DDX10: variants seen among roughly 807,000 people sequenced by gnomAD.
The protein encoded by DDX10 is DEAD-box helicase 10.
In DDX10, 74 loss-of-function variants were observed where a neutral mutation model predicts 104.3. The observed-to-expected ratio is 0.71, with a 90% CI of 0.59 to 0.86. The LOEUF (loss-of-function observed/expected upper bound fraction) is 0.86. DDX10 is among the 40% of genes least tolerant of loss of function. The pLI is 0.00. For missense variants in DDX10, 952 were observed against 1,040.0 expected, an observed-to-expected ratio of 0.92 and a Z score of 1.16; for synonymous variants, 351 against 353.4, an observed-to-expected ratio of 0.99 and a Z score of 0.08.
intron 13 of DDX10, among the ~76,000 whole-genome samples, chr11:108,755,336 G>A (rs527935754): frequency 6.6e-6 from 1 of 152,128 alleles, no homozygotes; most frequent in South Asian, 2.1e-4. Context: ...ACTTATGAGA[G>A]TCATGAATTT....
chr11:108,819,890 G>A (rs1347927335), intron 13 of DDX10, among the ~76,000 whole-genome samples: 1 of 152,098 alleles, frequency 6.6e-6, no homozygotes, highest in Non-Finnish European at 1.5e-5. Context: ...ATGAGCCACC[G>A]CGCCCAGCCC....
intron 13 of DDX10, chr11:108,822,695 G>A (rs1862342511): frequency 6.5e-6 from 1 of 153,458 alleles, no homozygotes; most frequent in Non-Finnish European, 1.5e-5. Flanking sequence ...TTCCCTCTCT[G>A]AAGCTGGATG....
chr11:108,846,157 T>G (rs1418642950), intron 15 of DDX10, among the ~76,000 whole-genome samples: 3 of 152,176 alleles, frequency 2.0e-5, no homozygotes, highest in African/African-American at 7.2e-5. Flanking sequence ...ATAATAATTG[T>G]ATGTATGGGG....
intron 13 of DDX10, among the ~76,000 whole-genome samples, chr11:108,766,366 C>T (rs34942750): frequency 0.16 from 24,245 of 152,116 alleles, 1,961 homozygotes; most frequent in East Asian, 0.25. Context: ...TAAGGTAGCG[C>T]AGGATTTTTA....
At chr11:108,726,960 G>A (rs1472740126) in intron 13 of DDX10, among the ~76,000 whole-genome samples, 1 of 152,042 alleles carries the variant, frequency 6.6e-6, no homozygotes, top group Non-Finnish European at 1.5e-5. Context: ...GTGGTTTTTA[G>A]CCTGTTGATT....
chr11:108,727,233 G>A (rs1239018320), intron 13 of DDX10, among the ~76,000 whole-genome samples: 6 of 151,966 alleles, frequency 3.9e-5, no homozygotes, highest in Admixed American at 2.0e-4. Flanking sequence ...CCCTACTAGC[G>A]TCTGTATTGT....
intron 13 of DDX10, 65 bp downstream of exon 13, chr11:108,723,527 T>C (rs2134477043): frequency 6.8e-7 from 1 of 1,476,702 alleles, no homozygotes. Context: ...TTGTTGCCTT[T>C]TGGGGACTGA....
intron 10 of DDX10, among the ~76,000 whole-genome samples, chr11:108,710,885 G>C (rs1473767042): frequency 6.6e-6 from 1 of 152,128 alleles, no homozygotes; most frequent in Non-Finnish European, 1.5e-5. Flanking sequence ...AGTCTCCTAG[G>C]CCTAAGTGAT....
chr11:108,923,714 G>T (rs1863870858), intron 17 of DDX10, among the ~76,000 whole-genome samples: 1 of 152,154 alleles, frequency 6.6e-6, no homozygotes, highest in Non-Finnish European at 1.5e-5. Flanking sequence ...TGTGCACTTG[G>T]GGAGGCGATG....
chr11:108,671,284 C>A (rs1323563003), intron 1 of DDX10, among the ~76,000 whole-genome samples: 1 of 152,222 alleles, frequency 6.6e-6, no homozygotes, highest in Non-Finnish European at 1.5e-5. Flanking sequence ...CTGCCTCAGC[C>A]TCCCAAGTAG....
At chr11:108,875,448 CATT>C (rs1245172630) in intron 16 of DDX10, among the ~76,000 whole-genome samples, 1 of 151,890 alleles carries the variant, frequency 6.6e-6, no homozygotes, top group African/African-American at 2.4e-5. Flanking sequence ...TTTTTTCTGT[CATT>C]ATAGAAGAAC....
At position 108,828,829 on chromosome 11, in the gene DDX10, G is replaced by A. The variant is rs184908952; in HGVS notation, c.1966-9617G>A. 5.3e-5 allele frequency among the ~76,000 whole-genome samples: 8 copies of A among 152,222 alleles called. No homozygotes were observed. The East Asian group carries it at 1.5e-3, about 29-fold the overall frequency. ...AGTAGAGACGAGGTTTCACCTTGTT[G>A]GTCAGGCTGGTCTTGAACTCCCGAC... is the stretch of plus-strand genomic sequence containing the variant. On this transcript the variant is annotated intron_variant, in intron 13 of 17. Transcript: ENST00000322536.
intron 10 of DDX10, among the ~76,000 whole-genome samples, chr11:108,714,113 A>G (rs1591798683): frequency 1.3e-5 from 2 of 152,356 alleles, no homozygotes; most frequent in Middle Eastern, 3.4e-3. Context: ...TGCTGAAAGC[A>G]TGAGGGAATT....
intron 16 of DDX10, among the ~76,000 whole-genome samples, chr11:108,858,921 T>G (rs1288978090): frequency 6.6e-6 from 1 of 152,230 alleles, no homozygotes; most frequent in Non-Finnish European, 1.5e-5. Flanking sequence ...CCATGGAAGT[T>G]GTGACTTCAT....
chr11:108,869,802 A>G (rs185833762), intron 16 of DDX10, among the ~76,000 whole-genome samples: 1 of 152,276 alleles, frequency 6.6e-6, no homozygotes, highest in African/African-American at 2.4e-5. Context: ...ATAGAAAATT[A>G]TGGTAAAATG....
rs545587569 is a variant in DDX10 at position 108,902,818 on chromosome 11, G to C, written c.2305-15055G>C. Among the ~76,000 whole-genome samples, 9 of 152,120 alleles carry C rather than the reference G, an allele frequency of 5.9e-5. No homozygotes were observed. In the East Asian group the frequency reaches 1.7e-3, roughly 29 times the overall value. On this transcript the variant is annotated intron_variant, in intron 16 of 17. Coordinates refer to ENST00000322536, the MANE Select transcript of DDX10 (RefSeq NM_004398.4). Reference sequence around the variant, plus strand: ...GATTGACCATTTCAGAGAAATTAAAGAGAATTTTTACATTATTAAATAATC... The same window carrying C: ...GATTGACCATTTCAGAGAAATTAAACAGAATTTTTACATTATTAAATAATC...
At chr11:108,809,909 A>G (rs773469304) in intron 13 of DDX10, among the ~76,000 whole-genome samples, 5 of 152,216 alleles carry the variant, frequency 3.3e-5, no homozygotes, top group Non-Finnish European at 5.9e-5. Context: ...TTATACACCA[A>G]TAATGAACTT....
intron 16 of DDX10, among the ~76,000 whole-genome samples, chr11:108,853,664 C>G (rs952326958): frequency 6.6e-6 from 1 of 151,920 alleles, no homozygotes; most frequent in Admixed American, 6.6e-5. Context: ...ACTGTGTCTG[C>G]TGGGGAAATG....
At chr11:108,889,582 A>G (rs1379310388) in intron 16 of DDX10, among the ~76,000 whole-genome samples, 5 of 152,212 alleles carry the variant, frequency 3.3e-5, no homozygotes, top group African/African-American at 1.2e-4. Context: ...ACTTTTGCCA[A>G]AGTACGGATG....
Sources: allele counts gnomAD v4.1 joint callset (sites outside exome capture counted in the v4.1 genomes callset), GRCh38; gene constraint gnomAD v4.1.1; transcripts MANE v1.5; gene names NCBI Gene and HGNC (gene_info 2026-07-23, HGNC 2026-07-21).